The following SYNGR4 variants were observed in gnomAD, a reference collection of about 807,000 sequenced individuals.
SYNGR4 encodes synaptogyrin-4.
Under a neutral mutation model 15.5 loss-of-function variants are expected in SYNGR4, and 15 were observed. The ratio of observed to expected loss-of-function variants is 0.97; its 90% CI spans 0.65 to 1.49. SYNGR4 has a LOEUF of 1.49. Ranked by LOEUF, SYNGR4 falls within the 40% of genes most tolerant of loss-of-function variation. The pLI is 0.00. For synonymous variants in SYNGR4, 121 were observed against 127.4 expected (o/e 0.95, Z 0.34); for missense variants, 292 against 299.3 (o/e 0.98, Z 0.18).
At chr19:48,369,361 C>T (rs1351823001) in intron 2 of SYNGR4, among the ~76,000 whole-genome samples, 2 of 152,188 alleles carry the variant, frequency 1.3e-5, no homozygotes, top group Non-Finnish European at 1.5e-5. Context: ...GTGTCCCGGG[C>T]TCATGTCACA....
intron 2 of SYNGR4, among the ~76,000 whole-genome samples, chr19:48,371,512 G>A (rs559139487): frequency 3.9e-5 from 6 of 152,268 alleles, no homozygotes; most frequent in African/African-American, 1.4e-4. Flanking sequence ...AAGAGCAAGA[G>A]GTCAAGGGCA....
intron 4 of SYNGR4, 118 bp downstream of exon 4, chr19:48,375,870 T>C (rs757661823): frequency 5.4e-5 from 82 of 1,525,058 alleles, no homozygotes; most frequent in Middle Eastern, 1.8e-4. Flanking sequence ...GGGTCGGGGG[T>C]TCCCCCAGGA....
intron 2 of SYNGR4, among the ~76,000 whole-genome samples, chr19:48,368,498 G>A (rs1024676773): frequency 1.3e-5 from 2 of 151,940 alleles, no homozygotes; most frequent in African/African-American, 4.8e-5. Flanking sequence ...CAATTCTTGT[G>A]CCTCCGGAGT....
chr19:48,375,855 G>A (rs1020284339), intron 4 of SYNGR4, 103 bp downstream of exon 4: 2 of 1,539,134 alleles, frequency 1.3e-6, no homozygotes, highest in African/African-American at 1.4e-5. Context: ...TCCCCTGGGG[G>A]TCAGGGGTCG....
intron 1 of SYNGR4, among the ~76,000 whole-genome samples, chr19:48,365,357 C>T (rs1484802466): frequency 8.1e-6 from 1 of 122,848 alleles, no homozygotes; most frequent in African/African-American, 3.3e-5. Context: ...TCCTGGGACC[C>T]CCCAGAACCC....
chr19:48,366,657 C>T (rs1970226309), intron 2 of SYNGR4, among the ~76,000 whole-genome samples: 1 of 152,056 alleles, frequency 6.6e-6, no homozygotes, highest in South Asian at 2.1e-4. Context: ...CTGCCCACCT[C>T]AGCCTCCCAA....
rs554741986 is a variant in SYNGR4, at chr19:48,365,826, A to G, written c.-17A>G. On this transcript the variant is annotated 5_prime_UTR_variant, in exon 2 of 5. Coordinates refer to ENST00000344846, the MANE Select transcript of SYNGR4 (RefSeq NM_012451.4). ...CTGGCTCCCACCTCCCAGTGGCCCC[A>G]AAGGAAAACAGCTGCCATGCACATC... The G allele has an allele frequency of 6.2e-7, 1 of 1,613,176 alleles. No homozygotes were observed. Among genetic ancestry groups the G allele is most frequent in the East Asian group, 2.2e-5 (1 of 44,862 alleles).
chr19:48,373,896 C>T (rs1229481635), intron 3 of SYNGR4, 142 bp downstream of exon 3: 23 of 779,206 alleles, frequency 3.0e-5, no homozygotes, highest in Non-Finnish European at 4.2e-6. Context: ...GGCATCTGAC[C>T]ACAAGTGGCC....
chr19:48,375,311 C>G (rs1970383885), intron 3 of SYNGR4, among the ~76,000 whole-genome samples: 1 of 152,012 alleles, frequency 6.6e-6, no homozygotes, highest in South Asian at 2.1e-4. Flanking sequence ...CAGGCGTTAG[C>G]CACCTCGCCT....
chr19:48,369,080 T>C (rs1000619979), intron 2 of SYNGR4, among the ~76,000 whole-genome samples: 1 of 152,078 alleles, frequency 6.6e-6, no homozygotes, highest in African/African-American at 2.4e-5. Context: ...ATGCCAGACG[T>C]TCTGGTCACG....
intron 2 of SYNGR4, among the ~76,000 whole-genome samples, chr19:48,368,800 C>T (rs531713933): frequency 3.3e-5 from 5 of 152,316 alleles, no homozygotes; most frequent in South Asian, 4.1e-4. Flanking sequence ...AAACCGCATC[C>T]CAGCACCAGA....
chr19:48,368,255 G>T (rs566454675), intron 2 of SYNGR4, among the ~76,000 whole-genome samples: 2 of 152,096 alleles, frequency 1.3e-5, no homozygotes, highest in African/African-American at 4.8e-5. Context: ...CCTTACTCTC[G>T]TCTGTAAAAA....
At chr19:48,375,935 AG>A in intron 4 of SYNGR4, 149 bp from the exon 5 acceptor site, 1 of 1,522,794 alleles carries the variant, frequency 6.6e-7, no homozygotes, top group Non-Finnish European at 8.8e-7. Flanking sequence ...GCCCAGCATC[AG>A]GGCCTGTGCT....
intron 2 of SYNGR4, among the ~76,000 whole-genome samples, chr19:48,366,168 G>A: frequency 6.6e-6 from 1 of 152,190 alleles, no homozygotes; most frequent in Non-Finnish European, 1.5e-5. Context: ...GGTGCTGCAA[G>A]TCCCATCTCT....
intron 3 of SYNGR4, 70 bp from the exon 4 acceptor site, chr19:48,375,543 T>C: frequency 1.3e-6 from 2 of 1,562,574 alleles, no homozygotes; most frequent in Non-Finnish European, 1.7e-6. Flanking sequence ...GCCCCATCCT[T>C]CCCATGCCTC....
chr19:48,368,939 G>A (rs147578473), intron 2 of SYNGR4, among the ~76,000 whole-genome samples: 219 of 152,322 alleles, frequency 1.4e-3, no homozygotes, highest in South Asian at 0.011. Flanking sequence ...ACATCACCCA[G>A]CTGGTGAGCA....
At chr19:48,370,194 A>G (rs1447847709) in intron 2 of SYNGR4, among the ~76,000 whole-genome samples, 5 of 152,210 alleles carry the variant, frequency 3.3e-5, no homozygotes, top group Non-Finnish European at 7.3e-5. Context: ...TGCTGGGGAT[A>G]GAGAGCAGGG....
intron 2 of SYNGR4, among the ~76,000 whole-genome samples, chr19:48,369,339 C>T (rs1747429919): frequency 6.6e-6 from 1 of 152,186 alleles, no homozygotes; most frequent in Non-Finnish European, 1.5e-5. Flanking sequence ...GCCCCTGCTC[C>T]TCAAATCTCC....
chr19:48,371,997 A>G (rs970000115), intron 2 of SYNGR4, among the ~76,000 whole-genome samples: 2 of 151,808 alleles, frequency 1.3e-5, no homozygotes, highest in Admixed American at 6.6e-5. Flanking sequence ...CTCCTGCCTC[A>G]GCCTCCCAAG....
Sources: gnomAD v4.1 joint callset for allele counts (sites outside exome capture counted in the v4.1 genomes callset) on GRCh38, gnomAD v4.1.1 for gene constraint, MANE v1.5 for transcripts, NCBI Gene and HGNC (gene_info 2026-07-23, HGNC 2026-07-21) for gene names.